Variants in PTH2R observed in about 807,000 individuals in gnomAD.
PTH2R encodes PTH2 receptor.
In PTH2R, 59 loss-of-function variants were observed where a neutral mutation model predicts 60.3. The ratio of observed to expected loss-of-function variants is 0.98; its 90% CI spans 0.79 to 1.22. The LOEUF (loss-of-function observed/expected upper bound fraction) is 1.22, where lower values mean the gene tolerates loss of function less well. PTH2R is among the 50% of genes most tolerant of loss of function. The probability of loss-of-function intolerance (pLI) is 0.00; values close to 1 mark genes in which losing one functional copy is unlikely to be tolerated. For synonymous variants in PTH2R, 256 were observed against 243.8 expected, an observed-to-expected ratio of 1.05 and a Z score of -0.47; for missense variants, 749 against 682.6, an observed-to-expected ratio of 1.10 and a Z score of -1.08.
chr2:208,491,006 A>G (rs574178758), intron 12 of PTH2R, among the ~76,000 whole-genome samples: 3 of 152,342 alleles, frequency 2.0e-5, no homozygotes, highest in East Asian at 1.9e-4. Flanking sequence ...TAAGTTCTGT[A>G]CAAAACTTAT....
upstream of PTH2R, among the ~76,000 whole-genome samples, chr2:208,403,939 G>A (rs1428596201): frequency 6.6e-6 from 1 of 152,184 alleles, no homozygotes; most frequent in Non-Finnish European, 1.5e-5. Context: ...GAGCCTAGAA[G>A]TAGAAGCTGC....
At chr2:208,483,214 G>A (rs1703197667) in intron 10 of PTH2R, among the ~76,000 whole-genome samples, 3 of 152,156 alleles carry the variant, frequency 2.0e-5, no homozygotes, top group Admixed American at 6.5e-5. Flanking sequence ...TTTTTAATAT[G>A]CTGTCAGTGG....
At position 208,365,282 on chromosome 2, in the gene PTH2R, A is replaced by G. The variant is rs561518181; in HGVS notation, c.-259+5045A>G. On this transcript the variant is annotated intron_variant, in intron 1 of 12. Coordinates refer to the PTH2R transcript ENST00000617735. ...AAAAGCTTCCAGTTTTTCACTGAGT[A>G]TGCCGTTAGCTGTGGACTTTTCCTA... Among the ~76,000 whole-genome samples, 117 of 152,324 alleles carry G rather than the reference A, an allele frequency of 7.7e-4. 6 individuals carry two copies. The South Asian group carries it at 0.024, about 31-fold the overall frequency.
At chr2:208,488,696 C>T (rs1271051082) in intron 10 of PTH2R, among the ~76,000 whole-genome samples, 1 of 151,902 alleles carries the variant, frequency 6.6e-6, no homozygotes, top group African/African-American at 2.4e-5. Context: ...GGCAACATGG[C>T]GAGACCCCGT....
intron 1 of PTH2R, among the ~76,000 whole-genome samples, chr2:208,424,697 G>A (rs1701823278): frequency 1.3e-5 from 2 of 152,106 alleles, no homozygotes; most frequent in South Asian, 4.1e-4. Flanking sequence ...ATCACTTTCA[G>A]CCACATTTGA....
At chr2:208,386,110 A>ATC (rs1257023471) in intron 1 of PTH2R, among the ~76,000 whole-genome samples, 1 of 152,216 alleles carries the variant, frequency 6.6e-6, no homozygotes, top group Non-Finnish European at 1.5e-5. Context: ...CATTCCATAT[A>ATC]TCTGGCTCAA....
At chr2:208,447,509 AC>A (rs1431339761) in intron 7 of PTH2R, among the ~76,000 whole-genome samples, 1 of 151,428 alleles carries the variant, frequency 6.6e-6, no homozygotes, top group Non-Finnish European at 1.5e-5. Context: ...AATGGCGTGA[AC>A]CCAGGAGGTG....
chr2:208,489,121 C>T lies in PTH2R; in HGVS notation c.1186C>T (p.His396Tyr), dbSNP rs989193825. The part of the protein sequence containing the change: ...FTGLGWEIRM[H>Y]CELFFNSFQG... ...TGGGCTCGGGTGGGAGATCCGCATG[C>T]ACTGTGAGCTCTTCTTCAACTCCTT... Residue 396 changes from histidine (H) to tyrosine (Y), a missense_variant, in exon 11 of 13, where the codon CAC (histidine) becomes TAC (tyrosine). Physicochemically the swap from His to Tyr is moderately conservative, Grantham distance 83. Transcript: ENST00000272847. 2 of 1,614,046 alleles carry T rather than the reference C, an allele frequency of 1.2e-6. No individual in the cohort carries two copies. Among genetic ancestry groups the T allele is most frequent in the African/African-American group, 2.7e-5 (2 of 74,910 alleles).
intron 1 of PTH2R, among the ~76,000 whole-genome samples, chr2:208,379,254 T>C (rs1700866667): frequency 6.6e-6 from 1 of 152,166 alleles, no homozygotes; most frequent in Non-Finnish European, 1.5e-5. Context: ...AGTTAGCAGG[T>C]AATGTTCTTT....
intron 1 of PTH2R, among the ~76,000 whole-genome samples, chr2:208,413,964 G>A (rs569412100): frequency 3.9e-5 from 6 of 152,240 alleles, no homozygotes; most frequent in African/African-American, 4.8e-5. Context: ...GTTTGTTCCC[G>A]TACATCTTCC....
rs1011140822 is a variant in PTH2R at position 208,444,731 on chromosome 2, T to C, written c.700-3T>C. The C allele has an allele frequency of 3.1e-6, 5 of 1,612,724 alleles. No individual in the cohort carries two copies. Among genetic ancestry groups the C allele is most frequent in the East Asian group, 2.2e-5 (1 of 44,820 alleles). On this transcript the variant is annotated splice_polypyrimidine_tract_variant and splice_region_variant and intron_variant, in intron 6 of 12. Coordinates refer to ENST00000272847, the MANE Select transcript of PTH2R (RefSeq NM_005048.4). Reference sequence around the variant, plus strand: ...TGATGAAATTCTGGTTTATTTGTAATAGATCGGGTGCAAGATTGCTGTTGT... The same window carrying C: ...TGATGAAATTCTGGTTTATTTGTAACAGATCGGGTGCAAGATTGCTGTTGT...
At chr2:208,450,946 G>A in intron 8 of PTH2R, 137 bp downstream of exon 8, 5 of 911,680 alleles carry the variant, frequency 5.5e-6, no homozygotes, top group South Asian at 1.5e-5. Context: ...ACCTTGATGC[G>A]ATGGTAGCTT....
At chr2:208,361,614 G>C (rs958249049) in intron 1 of PTH2R, among the ~76,000 whole-genome samples, 2 of 152,004 alleles carry the variant, frequency 1.3e-5, no homozygotes, top group Non-Finnish European at 2.9e-5. Flanking sequence ...CAAGCTCCAG[G>C]CAGCTACCAT....
chr2:208,456,816 TG>T (rs1320781016), intron 8 of PTH2R, among the ~76,000 whole-genome samples: 4 of 152,168 alleles, frequency 2.6e-5, no homozygotes, highest in African/African-American at 7.2e-5. Context: ...GTGGGAACAT[TG>T]AAGAATTAAC....
intron 2 of PTH2R, among the ~76,000 whole-genome samples, chr2:208,434,380 C>T (rs2105861888): frequency 6.6e-6 from 1 of 151,976 alleles, no homozygotes; most frequent in African/African-American, 2.4e-5. Context: ...ATTTACTATT[C>T]TCTTTGTCAA....
intron 1 of PTH2R, among the ~76,000 whole-genome samples, chr2:208,412,820 A>T (rs923380690): frequency 2.6e-5 from 4 of 152,230 alleles, no homozygotes; most frequent in Admixed American, 1.3e-4. Context: ...TATAACAGGG[A>T]TCAAAAGCAG....
intron 1 of PTH2R, among the ~76,000 whole-genome samples, chr2:208,397,851 A>G (rs372331414): frequency 6.6e-6 from 1 of 152,308 alleles, no homozygotes; most frequent in African/African-American, 2.4e-5. Context: ...AGGAATCGCC[A>G]TGTTTGGTGG....
chr2:208,442,400 G>C lies in PTH2R; in HGVS notation c.448G>C (p.Val150Leu). ...TGAACGCCTCTATGTAATGTATACC[G>C]TTGGCTACTCCATCTCTTTTGGTTC... ...FFERLYVMYT[V>L]GYSISFGSLA... The change falls in exon 5 of 13, where the codon GTT becomes CTT. Residue 150 changes from valine to leucine, a missense_variant. Coordinates refer to ENST00000272847, the MANE Select transcript of PTH2R (RefSeq NM_005048.4). 1 of 1,613,294 alleles carries C rather than the reference G, an allele frequency of 6.2e-7. No individual in the cohort carries two copies. The highest frequency in any genetic ancestry group is 8.5e-7 in the Non-Finnish European group (1 of 1,179,342).
exon 1 of PTH2R, chr2:208,359,952 C>T (rs1318880020): frequency 3.9e-6 from 1 of 258,102 alleles, no homozygotes; most frequent in Non-Finnish European, 7.9e-6. Context: ...ACTTCCTCCA[C>T]GTTCTCGTGC....
Sources: allele counts gnomAD v4.1 joint callset (sites outside exome capture counted in the v4.1 genomes callset), GRCh38; gene constraint gnomAD v4.1.1; transcripts MANE v1.5; gene names NCBI Gene and HGNC (gene_info 2026-07-23, HGNC 2026-07-21).